Variants in OSBPL8 observed in about 807,000 individuals in gnomAD.
OSBPL8 encodes oxysterol binding protein like 8, also known as oxysterol-binding protein-related protein 8.
OSBPL8 carries 59 observed loss-of-function variants against 125.5 expected under a neutral mutation model. That is an observed-to-expected ratio of 0.47 (90% CI 0.38 to 0.58). The LOEUF (loss-of-function observed/expected upper bound fraction) is 0.58. OSBPL8 is among the 20% of genes least tolerant of loss of function. OSBPL8 has a pLI of 0.00. For synonymous variants in OSBPL8, 330 were observed against 338.9 expected (o/e 0.97, Z 0.29); for missense variants, 758 against 1,047.8 (o/e 0.72, Z 3.82).
chr12:76,426,936 T>G (rs1269579049), intron 4 of OSBPL8, among the ~76,000 whole-genome samples: 1 of 152,156 alleles, frequency 6.6e-6, no homozygotes, highest in Non-Finnish European at 1.5e-5. Context: ...CCTTCTACTC[T>G]TTGAGTAATC....
At chr12:76,505,538 TAGGA>T (rs1880325148) in intron 1 of OSBPL8, among the ~76,000 whole-genome samples, 2 of 151,862 alleles carry the variant, frequency 1.3e-5, no homozygotes, top group Non-Finnish European at 2.9e-5. Flanking sequence ...GAATAAAAAA[TAGGA>T]AGGAAGGAGT....
chr12:76,411,453 T>C (rs999139275), intron 4 of OSBPL8, among the ~76,000 whole-genome samples: 1 of 152,108 alleles, frequency 6.6e-6, no homozygotes, highest in African/African-American at 2.4e-5. Context: ...TTTTAAAATA[T>C]GTATAATCAT....
chr12:76,363,778 C>T (rs1467538768), intron 21 of OSBPL8, among the ~76,000 whole-genome samples: 2 of 152,110 alleles, frequency 1.3e-5, no homozygotes, highest in African/African-American at 2.4e-5. Context: ...AGGCTAATAT[C>T]CAGAATCTAC....
chr12:76,388,523 TAGAC>T (rs1953417043), intron 12 of OSBPL8, among the ~76,000 whole-genome samples: 2 of 152,336 alleles, frequency 1.3e-5, no homozygotes, highest in East Asian at 3.9e-4. Flanking sequence ...AATGAATTTC[TAGAC>T]CGACAAAAGT....
In OSBPL8 at chr12:76,410,638, A is replaced by C. The variant is rs1954475035; in HGVS notation, c.218-4T>G. 6.3e-7 allele frequency: 1 copy of C among 1,581,436 alleles called. No homozygotes were observed. Among genetic ancestry groups the C allele is most frequent in the Admixed American group, 1.7e-5 (1 of 59,720 alleles). ...TCTTCCTTCCCTCTTTCAAAACCTT[A>C]AAAAAATAGTCAGCATATCAGTATT... On this transcript the variant is annotated splice_region_variant and splice_polypyrimidine_tract_variant and intron_variant, in intron 4 of 23. Coordinates refer to ENST00000261183, the MANE Select transcript of OSBPL8 (RefSeq NM_020841.5).
intron 1 of OSBPL8, among the ~76,000 whole-genome samples, chr12:76,506,925 G>A (rs919436143): frequency 2.0e-5 from 3 of 148,790 alleles, no homozygotes; most frequent in Admixed American, 2.0e-4. Context: ...AACAGGCTTC[G>A]AGAGAAGAAA....
intron 1 of OSBPL8, among the ~76,000 whole-genome samples, chr12:76,536,374 A>G (rs1404761194): frequency 6.6e-6 from 1 of 152,152 alleles, no homozygotes; most frequent in Admixed American, 6.6e-5. Flanking sequence ...TACCAAAAAA[A>G]AAATCAAGCC....
intron 1 of OSBPL8, among the ~76,000 whole-genome samples, chr12:76,556,099 C>T (rs1851464652): frequency 6.6e-6 from 1 of 152,164 alleles, no homozygotes; most frequent in African/African-American, 2.4e-5. Context: ...CATTTCGCTG[C>T]TTGCATTTAG....
At chr12:76,371,288 C>T (rs1451096691) in intron 19 of OSBPL8, 160 bp downstream of exon 19, 17 of 688,586 alleles carry the variant, frequency 2.5e-5, no homozygotes, top group Non-Finnish European at 3.6e-5. Context: ...TTATATTTGA[C>T]ATTCATATAC....
chr12:76,377,003 C>T (rs1390629536), intron 16 of OSBPL8, among the ~76,000 whole-genome samples: 1 of 152,178 alleles, frequency 6.6e-6, no homozygotes, highest in African/African-American at 2.4e-5. Context: ...TCAACTCCCA[C>T]TTATGAGTGA....
intron 2 of OSBPL8, among the ~76,000 whole-genome samples, chr12:76,464,724 C>T (rs964002587): frequency 6.6e-6 from 1 of 152,174 alleles, no homozygotes; most frequent in African/African-American, 2.4e-5. Context: ...CCCTTTGGCA[C>T]AGCACTTCCC....
intron 2 of OSBPL8, among the ~76,000 whole-genome samples, chr12:76,478,852 G>A (rs977888986): frequency 2.6e-5 from 4 of 152,118 alleles, no homozygotes; most frequent in Non-Finnish European, 5.9e-5. Context: ...TTGGGAGGCC[G>A]AGGCGGGTGG....
chr12:76,425,859 T>G (rs1182731448), intron 4 of OSBPL8, among the ~76,000 whole-genome samples: 1 of 152,184 alleles, frequency 6.6e-6, no homozygotes, highest in Non-Finnish European at 1.5e-5. Context: ...ATGAATCTTG[T>G]GTTTCCCAAG....
chr12:76,510,894 A>AT (rs56151953), intron 1 of OSBPL8, among the ~76,000 whole-genome samples: 26,521 of 150,624 alleles, frequency 0.18, 2,754 homozygotes, highest in Non-Finnish European at 0.26. Context: ...AAAAAAAAAA[A>AT]AAAATATATT....
chr12:76,539,558 T>A (rs1338070441), intron 1 of OSBPL8, among the ~76,000 whole-genome samples: 1 of 152,156 alleles, frequency 6.6e-6, no homozygotes. Flanking sequence ...ACAAAAGCCA[T>A]CTTTCAATCA....
intron 1 of OSBPL8, among the ~76,000 whole-genome samples, chr12:76,531,873 T>C (rs531002280): frequency 6.6e-6 from 1 of 151,916 alleles, no homozygotes; most frequent in Non-Finnish European, 1.5e-5. Flanking sequence ...CCATCTCTAC[T>C]AAATATACAA....
At chr12:76,505,793 A>C (rs1880353176) in intron 1 of OSBPL8, among the ~76,000 whole-genome samples, 1 of 152,212 alleles carries the variant, frequency 6.6e-6, no homozygotes, top group South Asian at 2.1e-4. Flanking sequence ...AATAGGGAAC[A>C]GTAGTGAGCA....
At chr12:76,365,660 G>T (rs1427778848) in intron 21 of OSBPL8, among the ~76,000 whole-genome samples, 2 of 152,114 alleles carry the variant, frequency 1.3e-5, no homozygotes, top group African/African-American at 4.8e-5. Context: ...AAGTGGGAAT[G>T]TTTGTCTTGT....
chr12:76,467,051 T>C (rs955075872), intron 2 of OSBPL8, among the ~76,000 whole-genome samples: 12 of 152,232 alleles, frequency 7.9e-5, no homozygotes, highest in African/African-American at 2.7e-4. Context: ...GGCATTGGCC[T>C]GGTAGTTTTT....
Sources: allele counts gnomAD v4.1 joint callset (sites outside exome capture counted in the v4.1 genomes callset), GRCh38; gene constraint gnomAD v4.1.1; transcripts MANE v1.5; gene names NCBI Gene and HGNC (gene_info 2026-07-23, HGNC 2026-07-21).